PROS1: variants seen among roughly 807,000 people sequenced by gnomAD.
PROS1 encodes vitamin K-dependent protein S.
PROS1 carries 29 observed loss-of-function variants against 75.9 expected under a neutral mutation model. The observed-to-expected ratio is 0.38, with a 90% CI of 0.28 to 0.52. The LOEUF is 0.52. PROS1 is among the 20% of genes least tolerant of loss of function. The probability of loss-of-function intolerance (pLI) is 0.83; values close to 1 mark genes in which losing one functional copy is unlikely to be tolerated. For missense variants in PROS1, 680 were observed against 810.3 expected (o/e 0.84, Z 1.95); for synonymous variants, 245 against 280.6 (o/e 0.87, Z 1.27).
In PROS1 at chr3:93,874,241, T is replaced by C. The variant is rs1708149819; in HGVS notation, c.*4A>G. On this transcript the variant is annotated 3_prime_UTR_variant, in exon 15 of 15. Transcript: ENST00000394236. ...AAAGGTATTATAAGCAGAGAAAAGA[T>C]GCCTTAAGAATTCTTTGTCTTTTTC... The C allele has an allele frequency of 6.2e-7, 1 of 1,613,138 alleles. No individual in the cohort carries two copies. The highest frequency in any genetic ancestry group is 2.2e-5 in the East Asian group (1 of 44,790).
intron 1 of PROS1, among the ~76,000 whole-genome samples, chr3:93,938,374 G>C (rs536285299): frequency 6.6e-6 from 1 of 152,216 alleles, no homozygotes; most frequent in Admixed American, 6.5e-5. Flanking sequence ...CTGGCACCCA[G>C]GTGATTAAAA....
At chr3:93,876,206 C>T (rs1408080043) in intron 14 of PROS1, among the ~76,000 whole-genome samples, 1 of 152,194 alleles carries the variant, frequency 6.6e-6, no homozygotes, top group East Asian at 1.9e-4. Flanking sequence ...GCACTTACCT[C>T]ACTGGACTAT....
chr3:93,973,200 A>T, intron 1 of PROS1, among the ~76,000 whole-genome samples: 1 of 152,206 alleles, frequency 6.6e-6, no homozygotes, highest in East Asian at 1.9e-4. Flanking sequence ...ACATTTCGTT[A>T]ATGTGAGACA....
intron 3 of PROS1, among the ~76,000 whole-genome samples, chr3:93,918,914 T>C (rs1034399915): frequency 6.6e-6 from 1 of 152,240 alleles, no homozygotes; most frequent in Admixed American, 6.5e-5. Context: ...TTCCATGTTT[T>C]TTTTCACGTG....
intron 1 of PROS1, chr3:93,967,779 C>T (rs1409124918): frequency 6.6e-6 from 1 of 152,136 alleles, no homozygotes; most frequent in East Asian, 1.9e-4. Flanking sequence ...GTCCTAGTTA[C>T]TTGGGAGGCT....
At chr3:93,881,520 A>G (rs768246518) in intron 12 of PROS1, among the ~76,000 whole-genome samples, 7 of 151,726 alleles carry the variant, frequency 4.6e-5, no homozygotes, top group African/African-American at 7.3e-5. Flanking sequence ...TCCTAATTAC[A>G]TAAAAATTTA....
At chr3:93,955,641 G>A (rs1215574789) in intron 1 of PROS1, among the ~76,000 whole-genome samples, 1 of 151,716 alleles carries the variant, frequency 6.6e-6, no homozygotes, top group South Asian at 2.1e-4. Context: ...TGAGTTAATG[G>A]GTGCAGCACA....
At chr3:93,885,608 A>C (rs902327855) in intron 11 of PROS1, among the ~76,000 whole-genome samples, 1 of 152,200 alleles carries the variant, frequency 6.6e-6, no homozygotes, top group Non-Finnish European at 1.5e-5. Context: ...AAGTGTTTGC[A>C]TTCTTTAGCC....
intron 1 of PROS1, among the ~76,000 whole-genome samples, chr3:93,954,126 A>G (rs935447427): frequency 4.6e-5 from 7 of 152,214 alleles, no homozygotes; most frequent in African/African-American, 1.7e-4. Context: ...GGAAGAATCA[A>G]TATCACGAAA....
intron 12 of PROS1, among the ~76,000 whole-genome samples, chr3:93,883,088 T>C (rs1020559412): frequency 3.3e-5 from 5 of 152,162 alleles, no homozygotes; most frequent in African/African-American, 1.2e-4. Flanking sequence ...TCCACACTCC[T>C]GAGACCCAGG....
At chr3:93,942,295 C>T (rs1002811523) in intron 1 of PROS1, among the ~76,000 whole-genome samples, 1 of 151,134 alleles carries the variant, frequency 6.6e-6, no homozygotes. Flanking sequence ...TTTATACTGA[C>T]TCTGAATATT....
chr3:93,959,948 C>T (rs1351666998), intron 1 of PROS1, among the ~76,000 whole-genome samples: 3 of 151,994 alleles, frequency 2.0e-5, no homozygotes, highest in African/African-American at 7.3e-5. Flanking sequence ...TAAATTATGC[C>T]CTCCCTCTAT....
At chr3:93,877,896 C>T (rs1708215159) in intron 13 of PROS1, among the ~76,000 whole-genome samples, 1 of 152,070 alleles carries the variant, frequency 6.6e-6, no homozygotes, top group African/African-American at 2.4e-5. Flanking sequence ...TCCAAGATAC[C>T]TATTTTAAGT....
intron 9 of PROS1, among the ~76,000 whole-genome samples, chr3:93,894,826 T>A (rs929159678): frequency 5.3e-5 from 8 of 152,212 alleles, no homozygotes; most frequent in Non-Finnish European, 1.2e-4. Context: ...ATACATTTAA[T>A]CTAATGTGTA....
At chr3:93,963,164 T>C (rs1020474853) in intron 1 of PROS1, among the ~76,000 whole-genome samples, 6 of 152,212 alleles carry the variant, frequency 3.9e-5, no homozygotes, top group African/African-American at 1.4e-4. Context: ...CAGCAAGCAA[T>C]TCGTTTTCTT....
At chr3:93,911,571 C>T (rs1458938424) in intron 3 of PROS1, among the ~76,000 whole-genome samples, 1 of 152,174 alleles carries the variant, frequency 6.6e-6, no homozygotes, top group African/African-American at 2.4e-5. Flanking sequence ...TTGTTTGTCT[C>T]TGCTGCCAAT....
chr3:93,883,926 G>A (rs558469773), intron 12 of PROS1, among the ~76,000 whole-genome samples: 2 of 152,102 alleles, frequency 1.3e-5, no homozygotes, highest in African/African-American at 4.8e-5. Flanking sequence ...CCCCAGCCTG[G>A]GTGACAAAGT....
chr3:93,969,103 T>C (rs1388489133), intron 1 of PROS1, among the ~76,000 whole-genome samples: 1 of 151,788 alleles, frequency 6.6e-6, no homozygotes, highest in South Asian at 2.1e-4. Flanking sequence ...CCTGTTTTTT[T>C]TGTTTTTGCT....
chr3:93,893,189 T>C (rs1708457990), intron 9 of PROS1, 67 bp from the exon 10 acceptor site: 2 of 1,391,408 alleles, frequency 1.4e-6, no homozygotes, highest in Non-Finnish European at 2.0e-6. Flanking sequence ...ATTATTCTTT[T>C]TTTCTTGTAC....
Sources: allele counts gnomAD v4.1 joint callset (sites outside exome capture counted in the v4.1 genomes callset), GRCh38; gene constraint gnomAD v4.1.1; transcripts MANE v1.5; gene names NCBI Gene and HGNC (gene_info 2026-07-23, HGNC 2026-07-21).